The following THSD7A variants were observed in gnomAD, a reference collection of about 807,000 sequenced individuals.
THSD7A encodes thrombospondin type-1 domain-containing protein 7A.
Under a neutral mutation model 231.3 loss-of-function variants are expected in THSD7A, and 96 were observed. The ratio of observed to expected loss-of-function variants is 0.41; its 90% CI spans 0.35 to 0.49. The LOEUF is 0.49. THSD7A is among the 20% of genes least tolerant of loss of function. The pLI, the probability that THSD7A is intolerant of heterozygous loss-of-function variation, is 0.05. For synonymous variants in THSD7A, 940 were observed against 743.3 expected (o/e 1.26, Z -4.30); for missense variants, 2,290 against 2,070.2 (o/e 1.11, Z -2.06).
chr7:11,608,799 C>T (rs1382556080), intron 2 of THSD7A, among the ~76,000 whole-genome samples: 1 of 151,998 alleles, frequency 6.6e-6, no homozygotes, highest in Non-Finnish European at 1.5e-5. Flanking sequence ...AGAAGTGATT[C>T]CTATTTTTAT....
chr7:11,515,730 C>T (rs1788004800), intron 6 of THSD7A, among the ~76,000 whole-genome samples: 1 of 152,018 alleles, frequency 6.6e-6, no homozygotes, highest in South Asian at 2.1e-4. Context: ...CAGAACAAGA[C>T]CTAGACTTCA....
chr7:11,643,443 T>A (rs1175870306), intron 1 of THSD7A, among the ~76,000 whole-genome samples: 2 of 152,096 alleles, frequency 1.3e-5, no homozygotes, highest in African/African-American at 4.8e-5. Context: ...TAACTAATCC[T>A]AGTCATCGTA....
At chr7:11,695,779 A>T (rs1023226770) in intron 1 of THSD7A, among the ~76,000 whole-genome samples, 1 of 151,528 alleles carries the variant, frequency 6.6e-6, no homozygotes, top group East Asian at 2.0e-4. Flanking sequence ...TTTGGGCTTC[A>T]TCTTGAATAT....
intron 7 of THSD7A, among the ~76,000 whole-genome samples, chr7:11,477,491 G>C (rs1050902969): frequency 6.7e-6 from 1 of 148,736 alleles, no homozygotes; most frequent in Admixed American, 6.7e-5. Flanking sequence ...GGAAATATTT[G>C]AGACTATATA....
chr7:11,719,840 T>G (rs1042601829), intron 1 of THSD7A, among the ~76,000 whole-genome samples: 3 of 151,916 alleles, frequency 2.0e-5, no homozygotes, highest in South Asian at 4.1e-4. Flanking sequence ...AAAATAGCCC[T>G]GAACCCTATA....
At chr7:11,543,905 T>G (rs1455495892) in intron 4 of THSD7A, among the ~76,000 whole-genome samples, 1 of 152,146 alleles carries the variant, frequency 6.6e-6, no homozygotes, top group Non-Finnish European at 1.5e-5. Flanking sequence ...TAGAACTAAC[T>G]AAAAATGACT....
intron 1 of THSD7A, among the ~76,000 whole-genome samples, chr7:11,701,762 A>G (rs1332057559): frequency 1.3e-5 from 2 of 151,192 alleles, no homozygotes; most frequent in African/African-American, 4.8e-5. Context: ...GCCCTAGCTG[A>G]CATGTTTATA....
At chr7:11,746,062 T>A (rs1288467199) in intron 1 of THSD7A, among the ~76,000 whole-genome samples, 1 of 152,112 alleles carries the variant, frequency 6.6e-6, no homozygotes, top group Non-Finnish European at 1.5e-5. Flanking sequence ...TGATATTGAT[T>A]CTTCCTACCC....
rs753952136 is a variant in THSD7A, at chr7:11,814,126, C to G, written c.190+17631G>C. Among the ~76,000 whole-genome samples, 2 of 152,034 alleles carry G rather than the reference C, an allele frequency of 1.3e-5. No individual in the cohort carries two copies. The highest frequency in any genetic ancestry group is 2.9e-5 in the Non-Finnish European group (2 of 68,018). ...GAGAAAAAGTAGATTGGTATTTGCC[C>G]GGGACCTGGGCTGATGGCTCAGGGA... is the stretch of plus-strand genomic sequence containing the variant. On this transcript the variant is annotated intron_variant, in intron 1 of 27. Coordinates refer to ENST00000423059, the MANE Select transcript of THSD7A (RefSeq NM_015204.3). The surrounding 1 kb of genome is among the most constrained non-coding windows in gnomAD (Gnocchi z 5.1).
At chr7:11,543,138 A>T in intron 4 of THSD7A, 21 bp from the exon 5 acceptor site, 1 of 1,594,526 alleles carries the variant, frequency 6.3e-7, no homozygotes, top group Middle Eastern at 1.7e-4. Context: ...ATACAGACAC[A>T]TATTAAAAAA....
intron 1 of THSD7A, among the ~76,000 whole-genome samples, chr7:11,770,847 A>G (rs2128171521): frequency 6.6e-6 from 1 of 152,256 alleles, no homozygotes. Flanking sequence ...ATTTATGGTA[A>G]GTAAAAAGAG....
intron 1 of THSD7A, among the ~76,000 whole-genome samples, chr7:11,739,468 T>C (rs1391344405): frequency 6.6e-6 from 1 of 151,988 alleles, no homozygotes; most frequent in East Asian, 1.9e-4. Context: ...ATGAAGAAAG[T>C]GGAAATGGAG....
intron 1 of THSD7A, among the ~76,000 whole-genome samples, chr7:11,671,843 G>C (rs1376702873): frequency 6.6e-6 from 1 of 151,936 alleles, no homozygotes; most frequent in Non-Finnish European, 1.5e-5. Context: ...TTCATTCTGT[G>C]GTTGTCTAAT....
intron 4 of THSD7A, among the ~76,000 whole-genome samples, chr7:11,548,086 G>A (rs1789472181): frequency 6.6e-6 from 1 of 151,842 alleles, no homozygotes; most frequent in Non-Finnish European, 1.5e-5. Flanking sequence ...TGGCTTGACA[G>A]AATAAATAAG....
chr7:11,379,312 A>C, intron 25 of THSD7A, 32 bp from the exon 26 acceptor site: 1 of 1,603,274 alleles, frequency 6.2e-7, no homozygotes, highest in Non-Finnish European at 8.5e-7. Flanking sequence ...TATACTAGCC[A>C]TGCAAGGAAT....
chr7:11,806,701 C>T (rs1023947976), intron 1 of THSD7A, among the ~76,000 whole-genome samples: 1 of 152,076 alleles, frequency 6.6e-6, no homozygotes, highest in Non-Finnish European at 1.5e-5. Context: ...AAAAACAGAG[C>T]ATTGTTCAGA....
chr7:11,795,345 C>T (rs80153280), intron 1 of THSD7A, among the ~76,000 whole-genome samples: 3,202 of 151,824 alleles, frequency 0.021, 107 homozygotes, highest in African/African-American at 0.073. Flanking sequence ...CTTATAACCC[C>T]GAGCTCTACC....
At chr7:11,381,503 C>T (rs1216411428) in intron 24 of THSD7A, among the ~76,000 whole-genome samples, 6 of 152,062 alleles carry the variant, frequency 3.9e-5, no homozygotes, top group African/African-American at 1.4e-4. Context: ...CTGTTTCTTA[C>T]TGTATATATT....
Position 11,446,237 on chromosome 7 carries a change from G to C in THSD7A, c.2888C>G (p.Ala963Gly). ...GTCTGACCAGTTCCCCACAGGTTGT[G>C]CATTATATTTGTCACAAGGACAATA... is the stretch of plus-strand genomic sequence containing the variant. Reference protein sequence around the residue: ...TQYCPCDKYNAQPVGNWSDCI... With the variant: ...TQYCPCDKYNGQPVGNWSDCI... The change falls in exon 13 of 28, where the codon GCA (alanine) becomes GGA (glycine). Residue 963 changes from alanine to glycine, a missense_variant. Physicochemically the swap from Ala to Gly is moderately conservative, Grantham distance 60. Transcript: ENST00000423059. This position sits in a 1 kb window ranked among gnomAD's most constrained non-coding sequence, Gnocchi z 4.0. 1 of 1,613,486 alleles carries C rather than the reference G, an allele frequency of 6.2e-7. No individual in the cohort carries two copies. Among genetic ancestry groups the C allele is most frequent in the Non-Finnish European group, 8.5e-7 (1 of 1,179,628 alleles).
Sources: gnomAD v4.1 joint callset for allele counts (sites outside exome capture counted in the v4.1 genomes callset) on GRCh38, gnomAD v4.1.1 for gene constraint, Gnocchi (gnomAD v3.1) non-coding constraint, MANE v1.5 for transcripts, NCBI Gene and HGNC (gene_info 2026-07-23, HGNC 2026-07-21) for gene names.